The following CHCHD3 variants were observed in gnomAD, a reference collection of about 807,000 sequenced individuals.
The protein encoded by CHCHD3 is coiled-coil-helix-coiled-coil-helix domain containing 3.
In CHCHD3, 20 loss-of-function variants were observed where a neutral mutation model predicts 38.2. The ratio of observed to expected loss-of-function variants is 0.52; its 90% confidence interval spans 0.37 to 0.76. The LOEUF is 0.76. Ranked by LOEUF, CHCHD3 falls within the 30% of genes least tolerant of loss-of-function variation. The pLI is 0.00. For missense variants in CHCHD3, 245 were observed against 279.2 expected, an observed-to-expected ratio of 0.88 and a Z score of 0.87; for synonymous variants, 82 against 100.0, an observed-to-expected ratio of 0.82 and a Z score of 1.07.
At chr7:133,034,811 G>T in intron 2 of CHCHD3, 1 of 1,612,252 alleles carries the variant, frequency 6.2e-7, no homozygotes, top group Non-Finnish European at 8.5e-7. Flanking sequence ...CTCCAGAAAT[G>T]GAGCTGCTAT....
At chr7:133,013,602 T>C (rs746553584) in intron 3 of CHCHD3, among the ~76,000 whole-genome samples, 2 of 152,220 alleles carry the variant, frequency 1.3e-5, no homozygotes, top group Admixed American at 6.5e-5. Context: ...CAAAGTCTTC[T>C]TAAATGGCAT....
At chr7:132,934,720 C>T (rs923404450) in intron 4 of CHCHD3, among the ~76,000 whole-genome samples, 2 of 152,148 alleles carry the variant, frequency 1.3e-5, no homozygotes, top group Non-Finnish European at 2.9e-5. Flanking sequence ...TTCAAAAGAG[C>T]GCTAGGTGAT....
At chr7:132,982,862 T>C (rs921236578) in intron 3 of CHCHD3, among the ~76,000 whole-genome samples, 2 of 152,094 alleles carry the variant, frequency 1.3e-5, no homozygotes, top group African/African-American at 2.4e-5. Context: ...AATAAATATA[T>C]TGAACATTTT....
intron 6 of CHCHD3, among the ~76,000 whole-genome samples, chr7:132,819,536 A>G (rs1181642429): frequency 2.6e-5 from 4 of 152,166 alleles, no homozygotes; most frequent in Admixed American, 6.5e-5. Context: ...CTAATTGAGC[A>G]CCTGTTAGAG....
chr7:132,918,665 T>C (rs1585637393), intron 4 of CHCHD3, among the ~76,000 whole-genome samples: 1 of 152,308 alleles, frequency 6.6e-6, no homozygotes, highest in Admixed American at 6.5e-5. Flanking sequence ...TCAATCTGAG[T>C]GCAGAACCCT....
chr7:132,815,084 G>C (rs1014902786), intron 6 of CHCHD3, among the ~76,000 whole-genome samples: 2 of 152,152 alleles, frequency 1.3e-5, no homozygotes. Flanking sequence ...AAAGCAATGA[G>C]AGCATTTTAT....
At chr7:132,798,249 C>A (rs1806672324) in intron 6 of CHCHD3, among the ~76,000 whole-genome samples, 1 of 152,118 alleles carries the variant, frequency 6.6e-6, no homozygotes, top group African/African-American at 2.4e-5. Flanking sequence ...TCTATAACAT[C>A]ACTTTTACTT....
intron 4 of CHCHD3, among the ~76,000 whole-genome samples, chr7:132,890,497 G>T (rs899806419): frequency 1.3e-5 from 2 of 152,148 alleles, no homozygotes; most frequent in African/African-American, 4.8e-5. Context: ...CATGGCATTG[G>T]GAACTCGGTG....
intron 4 of CHCHD3, among the ~76,000 whole-genome samples, chr7:132,893,170 AG>A (rs1490946033): frequency 1.3e-5 from 2 of 152,214 alleles, no homozygotes; most frequent in African/African-American, 4.8e-5. Flanking sequence ...GCAAAAACAC[AG>A]GGGCGAAGCT....
intron 2 of CHCHD3, among the ~76,000 whole-genome samples, chr7:133,053,440 TACTGATTCA>T (rs1814226475): frequency 2.0e-5 from 3 of 152,196 alleles, no homozygotes; most frequent in Non-Finnish European, 4.4e-5. Context: ...TGGAAAGACC[TACTGATTCA>T]GCCCAAGCCA....
intron 4 of CHCHD3, among the ~76,000 whole-genome samples, chr7:132,953,046 T>C (rs1811069123): frequency 6.6e-6 from 1 of 152,214 alleles, no homozygotes; most frequent in Non-Finnish European, 1.5e-5. Context: ...GTGAAAGGAC[T>C]GTTTAAACGG....
At chr7:132,996,018 T>C (rs532420669) in intron 3 of CHCHD3, among the ~76,000 whole-genome samples, 8 of 152,312 alleles carry the variant, frequency 5.3e-5, no homozygotes, top group African/African-American at 1.7e-4. Flanking sequence ...AGAAGTTCAA[T>C]AGATTACTCA....
At chr7:132,943,719 A>C (rs1810827819) in intron 4 of CHCHD3, among the ~76,000 whole-genome samples, 1 of 152,186 alleles carries the variant, frequency 6.6e-6, no homozygotes, top group Non-Finnish European at 1.5e-5. Context: ...TAAAACTTAT[A>C]TATGCAAACA....
At chr7:132,793,672 C>T (rs1806524636) in intron 7 of CHCHD3, among the ~76,000 whole-genome samples, 1 of 152,164 alleles carries the variant, frequency 6.6e-6, no homozygotes, top group Non-Finnish European at 1.5e-5. Context: ...CGTGAAAGGC[C>T]AATCTTATGA....
At chr7:133,044,751 A>T (rs1584668387) in intron 2 of CHCHD3, among the ~76,000 whole-genome samples, 1 of 152,262 alleles carries the variant, frequency 6.6e-6, no homozygotes, top group Admixed American at 6.5e-5. Context: ...GAGAGAATGT[A>T]TATGGCAGAA....
At chr7:132,789,795 T>G (rs1373286872) in intron 7 of CHCHD3, among the ~76,000 whole-genome samples, 1 of 151,928 alleles carries the variant, frequency 6.6e-6, no homozygotes, top group Non-Finnish European at 1.5e-5. Context: ...TCAGGCCTCA[T>G]AAAGCTGGGT....
chr7:132,874,160 A>G (rs1005250996), intron 5 of CHCHD3, among the ~76,000 whole-genome samples: 1 of 152,162 alleles, frequency 6.6e-6, no homozygotes, highest in African/African-American at 2.4e-5. Context: ...CAGGGAACAG[A>G]CAAGGTCCCT....
At chr7:132,858,418 A>G (rs1313870761) in intron 5 of CHCHD3, among the ~76,000 whole-genome samples, 1 of 152,118 alleles carries the variant, frequency 6.6e-6, no homozygotes, top group Admixed American at 6.5e-5. Flanking sequence ...TTTATTATAT[A>G]CCTTTCGTTC....
intron 5 of CHCHD3, among the ~76,000 whole-genome samples, chr7:132,856,429 A>G (rs1485126306): frequency 1.3e-5 from 2 of 152,248 alleles, no homozygotes; most frequent in East Asian, 3.8e-4. Context: ...TTTGAAAAAG[A>G]TTTTTATTAT....
Sources: allele counts gnomAD v4.1 joint callset (sites outside exome capture counted in the v4.1 genomes callset), GRCh38; gene constraint gnomAD v4.1.1; transcripts MANE v1.5; gene names NCBI Gene and HGNC (gene_info 2026-07-23, HGNC 2026-07-21).